FGF14: variants seen among roughly 807,000 people sequenced by gnomAD.
The protein encoded by FGF14 is fibroblast growth factor homologous factor 4.
In FGF14, 5 loss-of-function variants were observed where a neutral mutation model predicts 25.5. The observed-to-expected ratio is 0.20, with a 90% CI of 0.10 to 0.41. FGF14 has a LOEUF of 0.41. Among genes scored for constraint, FGF14 ranks in the 10% least tolerant of loss-of-function variants. The pLI, the probability that FGF14 is intolerant of heterozygous loss-of-function variation, is 1.00. For missense variants in FGF14, 222 were observed against 320.1 expected (o/e 0.69, Z 2.34); for synonymous variants, 138 against 118.3 (o/e 1.17, Z -1.08).
rs556989802 is a variant in FGF14 at position 102,225,687 on chromosome 13, T to C, written c.208+175784A>G. Among the ~76,000 whole-genome samples the C allele has an allele frequency of 2.2e-3, 341 of 152,312 alleles. 3 individuals carry two copies. Among genetic ancestry groups the C allele is most frequent in the Non-Finnish European group, 4.0e-3 (273 of 68,020 alleles). ...TAGAAGGCTGATTCAAAAATGTTTA[T>C]AAAAACTGTTTTGACTCTCAGCTCT... On this transcript the variant is annotated intron_variant, in intron 1 of 4. Transcript: ENST00000376131.
chr13:101,864,584 G>GT (rs1679284341), intron 3 of FGF14, among the ~76,000 whole-genome samples: 1 of 152,048 alleles, frequency 6.6e-6, no homozygotes, highest in Non-Finnish European at 1.5e-5. Flanking sequence ...GGTGATTCGC[G>GT]TGAGCCCTAA....
intron 1 of FGF14, among the ~76,000 whole-genome samples, chr13:102,149,075 G>A (rs2046972597): frequency 6.6e-6 from 1 of 152,074 alleles, no homozygotes; most frequent in South Asian, 2.1e-4. Context: ...TACTTACTAT[G>A]TGTTAAGCTA....
At chr13:101,916,344 G>A (rs1195022082) in intron 1 of FGF14, 109 bp downstream of exon 1, 45 of 1,357,706 alleles carry the variant, frequency 3.3e-5, no homozygotes, top group Admixed American at 2.5e-4. Context: ...GGGAGGCCGG[G>A]GCCGGGGTGG....
At chr13:102,161,694 GAAGAAGAAGAAGAAGAAGAAGAAGAAGA>G (rs2047767959) in intron 1 of FGF14, among the ~76,000 whole-genome samples, 4 of 117,898 alleles carry the variant, frequency 3.4e-5, no homozygotes, top group Non-Finnish European at 5.8e-5. Context: ...AGAAGAAGAA[GAAGAAGAAGAAGAAGAAGAAGAAGAAGA>G]AGAATAGAAA....
intron 1 of FGF14, among the ~76,000 whole-genome samples, chr13:101,922,006 A>G (rs193030351): frequency 1.0e-3 from 155 of 152,334 alleles, no homozygotes; most frequent in African/African-American, 3.4e-3. Flanking sequence ...CGTTTAAAAT[A>G]TAAGCCTATA....
In FGF14 at chr13:102,197,386, T is replaced by G. The variant is rs148650075; in HGVS notation, c.208+204085A>C. Among the ~76,000 whole-genome samples the G allele has an allele frequency of 2.0e-5, 3 of 152,052 alleles. No individual in the cohort carries two copies. In the East Asian group the frequency reaches 5.8e-4, roughly 29 times the overall value. On this transcript the variant is annotated intron_variant, in intron 1 of 4. Transcript: ENST00000376131. Reference sequence around the variant, plus strand: ...CTGGAAGGTATCCTGGCCTGGAAAGTACAAATTGAGCTCTAGGTGGGGCTC... The same window carrying G: ...CTGGAAGGTATCCTGGCCTGGAAAGGACAAATTGAGCTCTAGGTGGGGCTC...
intron 3 of FGF14, among the ~76,000 whole-genome samples, chr13:101,807,146 A>G (rs2041248192): frequency 6.6e-6 from 1 of 152,166 alleles, no homozygotes. Context: ...TTCACTCCAG[A>G]CAGCACATCA....
intron 1 of FGF14, among the ~76,000 whole-genome samples, chr13:102,118,742 C>T (rs138922379): frequency 2.6e-5 from 4 of 151,946 alleles, no homozygotes; most frequent in Admixed American, 2.0e-4. Context: ...TAAATACATA[C>T]AATTTTATGT....
chr13:101,903,921 G>A (rs1347557262), intron 1 of FGF14, among the ~76,000 whole-genome samples: 1 of 152,202 alleles, frequency 6.6e-6, no homozygotes, highest in East Asian at 1.9e-4. Context: ...ATTGCATAGT[G>A]TTGAAGTCAT....
chr13:102,122,441 C>G (rs2045767730), intron 1 of FGF14, among the ~76,000 whole-genome samples: 1 of 152,186 alleles, frequency 6.6e-6, no homozygotes, highest in Non-Finnish European at 1.5e-5. Context: ...TATGTGCCCA[C>G]AAATATCATT....
intron 1 of FGF14, among the ~76,000 whole-genome samples, chr13:102,375,273 T>A (rs2058011982): frequency 6.6e-6 from 1 of 152,040 alleles, no homozygotes. Context: ...GCAGGATCGA[T>A]CCAGGGGCAG....
At chr13:102,223,102 T>C (rs1018785053) in intron 1 of FGF14, among the ~76,000 whole-genome samples, 14 of 152,116 alleles carry the variant, frequency 9.2e-5, no homozygotes, top group Non-Finnish European at 1.6e-4. Flanking sequence ...CAAATATAGG[T>C]TTCAAATTAC....
intron 3 of FGF14, among the ~76,000 whole-genome samples, chr13:101,789,309 G>A (rs1192989235): frequency 6.6e-6 from 1 of 151,884 alleles, no homozygotes; most frequent in African/African-American, 2.4e-5. Context: ...ACCATTAGGG[G>A]TTCTTTCTTC....
intron 1 of FGF14, among the ~76,000 whole-genome samples, chr13:102,049,319 C>A (rs1212376574): frequency 1.3e-5 from 2 of 152,136 alleles, no homozygotes; most frequent in African/African-American, 4.8e-5. Context: ...AAAAATAAAT[C>A]TGAAAATCAA....
At chr13:102,246,362 A>G (rs1042692729) in intron 1 of FGF14, among the ~76,000 whole-genome samples, 7 of 152,128 alleles carry the variant, frequency 4.6e-5, no homozygotes, top group Admixed American at 1.3e-4. Context: ...AGAGCAAGCA[A>G]TGCTACACAG....
In FGF14 at chr13:102,400,459, C is replaced by T. The variant is rs370614932; in HGVS notation, c.208+1012G>A. Among the ~76,000 whole-genome samples the T allele has an allele frequency of 3.5e-3, 528 of 152,312 alleles. 6 individuals carry two copies. Among genetic ancestry groups the T allele is most frequent in the African/African-American group, 0.012 (512 of 41,568 alleles). On this transcript the variant is annotated intron_variant, in intron 1 of 4. Coordinates refer to the FGF14 transcript ENST00000376131. The surrounding 1 kb of genome is among the most constrained non-coding windows in gnomAD (Gnocchi z 4.3). ...TGAGCGGTTCCGGGAAAGGCTGCGC[C>T]CAGCCTCCTCGCCAGCGCCGCCGCC...
intron 1 of FGF14, among the ~76,000 whole-genome samples, chr13:101,927,465 T>C (rs1256210895): frequency 6.6e-6 from 1 of 152,190 alleles, no homozygotes; most frequent in Admixed American, 6.5e-5. Flanking sequence ...TCAAGAGATT[T>C]AGTTCTAGCA....
At chr13:102,307,030 C>G (rs527257666) in intron 1 of FGF14, among the ~76,000 whole-genome samples, 1 of 152,064 alleles carries the variant, frequency 6.6e-6, no homozygotes, top group South Asian at 2.1e-4. Flanking sequence ...ATAAAGTGGG[C>G]CCAGTTCAAT....
chr13:102,289,900 T>C (rs1296419276), intron 1 of FGF14, among the ~76,000 whole-genome samples: 2 of 149,928 alleles, frequency 1.3e-5, no homozygotes, highest in African/African-American at 2.4e-5. Flanking sequence ...TTTCCCTCCC[T>C]CTCTCTCTCT....
Sources: gnomAD v4.1 joint callset for allele counts (sites outside exome capture counted in the v4.1 genomes callset) on GRCh38, gnomAD v4.1.1 for gene constraint, Gnocchi (gnomAD v3.1) non-coding constraint, MANE v1.5 for transcripts, NCBI Gene and HGNC (gene_info 2026-07-23, HGNC 2026-07-21) for gene names.